ATXN10: variants seen among roughly 807,000 people sequenced by gnomAD.
ATXN10 encodes the protein ataxin 10.
A neutral mutation model predicts 52.9 loss-of-function variants in ATXN10; 28 were observed. That is an observed-to-expected ratio of 0.53 (90% confidence interval 0.39 to 0.73). The LOEUF is 0.73. ATXN10 is among the 30% of genes least tolerant of loss of function. ATXN10 has a pLI of 0.00. For missense variants in ATXN10, 565 were observed against 577.0 expected (o/e 0.98, Z 0.21); for synonymous variants, 226 against 221.5 (o/e 1.02, Z -0.18).
chr22:45,839,132 CTAT>C (rs1929263726), intron 10 of ATXN10, among the ~76,000 whole-genome samples: 1 of 152,196 alleles, frequency 6.6e-6, no homozygotes, highest in Non-Finnish European at 1.5e-5. Context: ...TGGAGGTTTA[CTAT>C]TATTGGCTTG....
chr22:45,726,632 G>T (rs1176267146), intron 6 of ATXN10, among the ~76,000 whole-genome samples: 5 of 151,726 alleles, frequency 3.3e-5, no homozygotes, highest in East Asian at 3.9e-4. Context: ...CTTTTGTTTC[G>T]ATTTCATTTA....
Position 45,770,471 on chromosome 22 carries a change from A to G in ATXN10, c.1173+29933A>G, listed in dbSNP as rs772502330. Among the ~76,000 whole-genome samples the G allele has an allele frequency of 1.3e-5, 2 of 152,226 alleles. No homozygotes were observed. The highest frequency in any genetic ancestry group is 2.1e-4 in the South Asian group (1 of 4,832). ...TGTGTCTGTGAATGTGTGTTGCAAC[A>G]TTAGGTTGCAATGCATATGTGTTTC... On this transcript the variant is annotated intron_variant, in intron 9 of 11. Coordinates refer to ENST00000252934, the MANE Select transcript of ATXN10 (RefSeq NM_013236.4). The surrounding 1 kb of genome is among the most constrained non-coding windows in gnomAD (Gnocchi z 4.5).
At chr22:45,810,382 A>G (rs1282563104) in intron 10 of ATXN10, among the ~76,000 whole-genome samples, 1 of 152,190 alleles carries the variant, frequency 6.6e-6, no homozygotes, top group Non-Finnish European at 1.5e-5. Flanking sequence ...CAGTGTTAGG[A>G]CCATTTTTGG....
chr22:45,697,422 G>A lies in ATXN10; in HGVS notation c.392-2860G>A, dbSNP rs571581583. Among the ~76,000 whole-genome samples, 10 of 151,124 alleles carry A rather than the reference G, an allele frequency of 6.6e-5. No homozygotes were observed. The South Asian group carries it at 1.7e-3, about 25-fold the overall frequency. The stretch of plus-strand genomic sequence containing the variant: ...AGTGCTGGAATTACAGGCGTGAGCC[G>A]CTGCGTCCGGCCTAAAAATCACCCT... On this transcript the variant is annotated intron_variant, in intron 3 of 11. Coordinates refer to ENST00000252934, the MANE Select transcript of ATXN10 (RefSeq NM_013236.4).
At chr22:45,751,613 G>A (rs1306102979) in intron 9 of ATXN10, among the ~76,000 whole-genome samples, 1 of 151,700 alleles carries the variant, frequency 6.6e-6, no homozygotes, top group African/African-American at 2.4e-5. Flanking sequence ...GGATTTCTAT[G>A]ACATATCTCA....
intron 7 of ATXN10, among the ~76,000 whole-genome samples, chr22:45,735,744 A>G (rs1221141508): frequency 6.7e-6 from 1 of 149,738 alleles, no homozygotes; most frequent in Non-Finnish European, 1.5e-5. Flanking sequence ...GGTGAGCTAG[A>G]CAGGAGACTA....
chr22:45,803,070 G>A (rs533142512), intron 9 of ATXN10, among the ~76,000 whole-genome samples: 1 of 152,318 alleles, frequency 6.6e-6, no homozygotes, highest in Admixed American at 6.5e-5. Flanking sequence ...ACCAACTACT[G>A]CTATCACTCC....
chr22:45,693,121 A>C (rs1327023318), intron 3 of ATXN10, 43 bp downstream of exon 3: 1 of 1,532,132 alleles, frequency 6.5e-7, no homozygotes, highest in Non-Finnish European at 9.0e-7. Flanking sequence ...ATCTTTATAA[A>C]GGGTTCAAAA....
chr22:45,751,630 T>C (rs920271293), intron 9 of ATXN10, among the ~76,000 whole-genome samples: 2 of 151,814 alleles, frequency 1.3e-5, no homozygotes, highest in Non-Finnish European at 2.9e-5. Flanking sequence ...CTCAATCTAA[T>C]GAAAATCTGA....
chr22:45,797,976 G>T (rs1440544940), intron 9 of ATXN10, among the ~76,000 whole-genome samples: 1 of 152,078 alleles, frequency 6.6e-6, no homozygotes, highest in East Asian at 1.9e-4. Context: ...TTTCTTGAAA[G>T]AAACAAAATA....
At chr22:45,721,071 A>G (rs1391938995) in intron 6 of ATXN10, among the ~76,000 whole-genome samples, 3 of 152,068 alleles carry the variant, frequency 2.0e-5, no homozygotes. Flanking sequence ...AGTTCTTTTC[A>G]TTGTTGTCAA....
At position 45,843,327 on chromosome 22, in the gene ATXN10, T is replaced by C; in HGVS notation, c.1425+149T>C. 1 of 943,732 alleles carries C rather than the reference T, an allele frequency of 1.1e-6. No homozygotes were observed. Among genetic ancestry groups the C allele is most frequent in the Non-Finnish European group, 1.6e-6 (1 of 619,006 alleles). The allele number at this position is 943,732 out of a possible 1,614,324, so 58.5% of individuals were successfully genotyped here. A position where few individuals can be genotyped will look rare whatever the true frequency, so the allele number is the denominator to read the frequency against. ...GGTTTACCGAGGAAAGCCCTAAAGA[T>C]AGCTGCAAACGGTTTTTTTGTTCCG... On this transcript the variant is annotated intron_variant, in intron 11 of 11. Coordinates refer to ENST00000252934, the MANE Select transcript of ATXN10 (RefSeq NM_013236.4). This position sits in a 1 kb window ranked among gnomAD's most constrained non-coding sequence, Gnocchi z 4.5.
intron 7 of ATXN10, among the ~76,000 whole-genome samples, chr22:45,735,840 T>C (rs1601613892): frequency 7.4e-6 from 1 of 135,502 alleles, no homozygotes; most frequent in Non-Finnish European, 1.6e-5. Flanking sequence ...TTTTTTGCCC[T>C]AGTGCCTGAT....
In ATXN10 at chr22:45,677,180, A is replaced by G. The variant is rs1018424891; in HGVS notation, c.116+5001A>G. ...ATGGAACATTTGGATGCTGCTTTCT[A>G]TAAATTCATCTCATACTTAAACTGA... On this transcript the variant is annotated intron_variant, in intron 1 of 11. Coordinates refer to ENST00000252934, the MANE Select transcript of ATXN10 (RefSeq NM_013236.4). This position sits in a 1 kb window ranked among gnomAD's most constrained non-coding sequence, Gnocchi z 4.1. The G allele has an allele frequency of 6.6e-6, 1 of 152,206 alleles. No homozygotes were observed. The highest frequency in any genetic ancestry group is 2.4e-5 in the African/African-American group (1 of 41,450). The allele number at this position is 152,206 out of a possible 1,614,324, so 9.4% of individuals were successfully genotyped here.
chr22:45,742,227 T>G (rs1326417596), intron 9 of ATXN10, among the ~76,000 whole-genome samples: 1 of 152,062 alleles, frequency 6.6e-6, no homozygotes, highest in Non-Finnish European at 1.5e-5. Flanking sequence ...TATAATATAA[T>G]CCAGAATTGC....
chr22:45,807,103 C>T (rs1441829157), intron 10 of ATXN10, 81 bp downstream of exon 10: 2 of 1,112,558 alleles, frequency 1.8e-6, no homozygotes, highest in Non-Finnish European at 1.4e-6. Flanking sequence ...CATGTTCATT[C>T]AGTATGTAGC....
rs73441938 is a variant in ATXN10 at position 45,835,543 on chromosome 22, A to C, written c.1238-7448A>C. On this transcript the variant is annotated intron_variant, in intron 10 of 11. Coordinates refer to ENST00000252934, the MANE Select transcript of ATXN10 (RefSeq NM_013236.4). This position sits in a 1 kb window ranked among gnomAD's most constrained non-coding sequence, Gnocchi z 5.0. ...GCCTTCGTTTCAGCATCTTTAATAA[A>C]GTACTGATTTGGGTTATGCACAGAT... Among the ~76,000 whole-genome samples, 1,923 of 152,346 alleles carry C rather than the reference A, an allele frequency of 0.013. 49 individuals are homozygous for C. Among genetic ancestry groups the C allele is most frequent in the African/African-American group, 0.044 (1,838 of 41,560 alleles).
Position 45,683,649 on chromosome 22 carries a change from C to T in ATXN10, c.117-6063C>T, listed in dbSNP as rs938984399. 1.3e-5 allele frequency among the ~76,000 whole-genome samples: 2 copies of T among 152,194 alleles called. No individual in the cohort carries two copies. Among genetic ancestry groups the T allele is most frequent in the Non-Finnish European group, 2.9e-5 (2 of 68,032 alleles). The stretch of plus-strand genomic sequence containing the variant: ...TTCTCTAAGCATGTAAAGACATTCT[C>T]CTTATATTTTCTTCCAAAGCCTTGC... On this transcript the variant is annotated intron_variant, in intron 1 of 11. Coordinates refer to ENST00000252934, the MANE Select transcript of ATXN10 (RefSeq NM_013236.4). The surrounding 1 kb of genome is among the most constrained non-coding windows in gnomAD (Gnocchi z 4.8).
rs1044519387 is a variant in ATXN10 at position 45,842,338 on chromosome 22, G to A, written c.1238-653G>A. 7.9e-5 allele frequency among the ~76,000 whole-genome samples: 12 copies of A among 152,194 alleles called. 1 individual carries two copies. Among genetic ancestry groups the A allele is most frequent in the East Asian group, 3.8e-4 (2 of 5,196 alleles). Reference sequence around the variant, plus strand: ...TCTCTGGTCTCCTGCCAAGCGGAACGTGCCAGGTGAACACTTGGGCACAGT... The same window carrying A: ...TCTCTGGTCTCCTGCCAAGCGGAACATGCCAGGTGAACACTTGGGCACAGT... On this transcript the variant is annotated intron_variant, in intron 10 of 11. Coordinates refer to ENST00000252934, the MANE Select transcript of ATXN10 (RefSeq NM_013236.4). This position sits in a 1 kb window ranked among gnomAD's most constrained non-coding sequence, Gnocchi z 4.8.
Sources: allele counts gnomAD v4.1 joint callset (sites outside exome capture counted in the v4.1 genomes callset), GRCh38; gene constraint gnomAD v4.1.1; non-coding constraint Gnocchi (gnomAD v3.1); transcripts MANE v1.5; gene names NCBI Gene and HGNC (gene_info 2026-07-23, HGNC 2026-07-21).